RGS8: variants seen among roughly 807,000 people sequenced by gnomAD.
RGS8 encodes regulator of G protein signaling 8.
In RGS8, 8 loss-of-function variants were observed where a neutral mutation model predicts 21.7. That is an observed-to-expected ratio of 0.37 (90% CI 0.22 to 0.66). RGS8 has a LOEUF of 0.66. RGS8 is among the 30% of genes least tolerant of loss of function. The pLI is 0.59. For missense variants in RGS8, 157 were observed against 217.9 expected (o/e 0.72, Z 1.76); for synonymous variants, 80 against 83.6 (o/e 0.96, Z 0.24).
the RGS8 span, among the ~76,000 whole-genome samples, chr1:182,726,724 C>T: frequency 6.6e-6 from 1 of 151,782 alleles, no homozygotes; most frequent in Non-Finnish European, 1.5e-5. Flanking sequence ...CACAGTTCTC[C>T]CAAGGAAACT....
At chr1:182,736,468 G>A in the RGS8 span, among the ~76,000 whole-genome samples, 71 of 152,302 alleles carry the variant, frequency 4.7e-4, no homozygotes, top group African/African-American at 1.7e-3. Flanking sequence ...AGATTTAGTA[G>A]ATTTAGTAGA....
the RGS8 span, among the ~76,000 whole-genome samples, chr1:182,731,278 G>T: frequency 6.6e-6 from 1 of 152,306 alleles, no homozygotes; most frequent in East Asian, 1.9e-4. Flanking sequence ...AAGTGACTTG[G>T]CTTCACGCTG....
the RGS8 span, among the ~76,000 whole-genome samples, chr1:182,741,130 G>A: frequency 6.6e-6 from 1 of 151,422 alleles, no homozygotes; most frequent in Non-Finnish European, 1.5e-5. Context: ...AGTAGGCGCG[G>A]CCGGGCAGAG....
chr1:182,735,303 A>G, the RGS8 span, among the ~76,000 whole-genome samples: 1 of 152,376 alleles, frequency 6.6e-6, no homozygotes, highest in African/African-American at 2.4e-5. Context: ...ATCAACGATA[A>G]CTAAGGAAAA....
the RGS8 span, among the ~76,000 whole-genome samples, chr1:182,724,431 C>T: frequency 6.6e-6 from 1 of 151,524 alleles, no homozygotes; most frequent in Admixed American, 6.6e-5. Context: ...ACTTGTTATA[C>T]GAGTAGGTTA....
chr1:182,650,657 T>G (rs1662965061), intron 5 of RGS8, among the ~76,000 whole-genome samples: 1 of 152,110 alleles, frequency 6.6e-6, no homozygotes. Context: ...GCCCAGGAGT[T>G]CGAGACCAGC....
chr1:182,680,547 C>T (rs1205089240), intron 1 of RGS8, among the ~76,000 whole-genome samples: 1 of 152,130 alleles, frequency 6.6e-6, no homozygotes, highest in Non-Finnish European at 1.5e-5. Flanking sequence ...TCTATGTCAG[C>T]ACCTGGCATA....
At chr1:182,737,847 C>A in the RGS8 span, among the ~76,000 whole-genome samples, 4 of 152,146 alleles carry the variant, frequency 2.6e-5, no homozygotes, top group African/African-American at 7.2e-5. Context: ...GACCTCAGTT[C>A]ACCAGCATGT....
intron 5 of RGS8, chr1:182,658,360 A>C (rs1159661862): frequency 6.6e-6 from 1 of 152,232 alleles, no homozygotes; most frequent in Admixed American, 6.5e-5. Flanking sequence ...GCTTGAGCCT[A>C]GCTCAGTTCC....
the RGS8 span, among the ~76,000 whole-genome samples, chr1:182,748,869 T>C: frequency 6.6e-6 from 1 of 152,218 alleles, no homozygotes; most frequent in East Asian, 1.9e-4. Flanking sequence ...GTTGAGCATA[T>C]TTTCATATAC....
intron 5 of RGS8, among the ~76,000 whole-genome samples, chr1:182,653,059 G>A (rs114902480): frequency 2.2e-4 from 33 of 152,294 alleles, no homozygotes; most frequent in African/African-American, 7.9e-4. Context: ...CTGTGAAAGA[G>A]CCAGAAAGAC....
chr1:182,722,282 G>A, the RGS8 span, among the ~76,000 whole-genome samples: 1 of 142,002 alleles, frequency 7.0e-6, no homozygotes, highest in East Asian at 2.1e-4. Context: ...GAGTAATTTG[G>A]TCACCTAATT....
At chr1:182,646,830 C>T in exon 7 of RGS8, 1 of 1,614,130 alleles carries the variant, frequency 6.2e-7, no homozygotes, top group African/African-American at 1.3e-5. Context: ...AGGCTGTGTA[C>T]TTTTCCTTGG....
the RGS8 span, among the ~76,000 whole-genome samples, chr1:182,750,720 G>A: frequency 1.3e-5 from 2 of 152,118 alleles, no homozygotes; most frequent in South Asian, 4.1e-4. Context: ...TATGAAGTAG[G>A]CAAAGAAGAA....
chr1:182,669,400 G>A (rs1437912566), intron 3 of RGS8, among the ~76,000 whole-genome samples: 1 of 152,196 alleles, frequency 6.6e-6, no homozygotes, highest in Non-Finnish European at 1.5e-5. Flanking sequence ...ACCAGTCAAT[G>A]GGAGGGCTTC....
At chr1:182,688,945 A>G (rs950280358), upstream of RGS8, among the ~76,000 whole-genome samples, 5 of 152,168 alleles carry the variant, frequency 3.3e-5, no homozygotes, top group East Asian at 3.8e-4. Context: ...TTTTAGCCCA[A>G]TGAGACCGCT....
At chr1:182,656,437 T>G (rs1663282633) in intron 5 of RGS8, among the ~76,000 whole-genome samples, 1 of 152,180 alleles carries the variant, frequency 6.6e-6, no homozygotes, top group African/African-American at 2.4e-5. Flanking sequence ...ACCAATAACT[T>G]GGAACCTGCC....
At chr1:182,735,197 T>A in the RGS8 span, among the ~76,000 whole-genome samples, 2 of 152,218 alleles carry the variant, frequency 1.3e-5, no homozygotes, top group Non-Finnish European at 2.9e-5. Context: ...GAATTTTTTT[T>A]AAAAGCACTT....
the RGS8 span, among the ~76,000 whole-genome samples, chr1:182,735,173 C>T: frequency 6.6e-6 from 1 of 152,232 alleles, no homozygotes; most frequent in East Asian, 1.9e-4. Flanking sequence ...GTCCTAAGAG[C>T]TCAAATGAAT....
Sources: allele counts gnomAD v4.1 joint callset (sites outside exome capture counted in the v4.1 genomes callset), GRCh38; gene constraint gnomAD v4.1.1; transcripts MANE v1.5; gene names NCBI Gene and HGNC (gene_info 2026-07-23, HGNC 2026-07-21).